The following STOX2 variants were observed in gnomAD, a reference collection of about 807,000 sequenced individuals.
The protein encoded by STOX2 is storkhead box 2.
In STOX2, 28 loss-of-function variants were observed where a neutral mutation model predicts 60.9. The ratio of observed to expected loss-of-function variants is 0.46; its 90% CI spans 0.34 to 0.63. The LOEUF is 0.63. Among genes scored for constraint, STOX2 ranks in the 30% least tolerant of loss-of-function variants. The probability of loss-of-function intolerance (pLI) is 0.01; values close to 1 mark genes in which losing one functional copy is unlikely to be tolerated. For missense variants in STOX2, 1,024 were observed against 1,187.7 expected (o/e 0.86, Z 2.03); for synonymous variants, 472 against 463.9 (o/e 1.02, Z -0.22).
chr4:184,006,824 G>A lies in STOX2; in HGVS notation c.320-2334G>A, dbSNP rs1012575921. Among the ~76,000 whole-genome samples, 6 of 150,814 alleles carry A rather than the reference G, an allele frequency of 4.0e-5. No homozygotes were observed. The East Asian group carries it at 5.8e-4, about 15-fold the overall frequency. On this transcript the variant is annotated intron_variant, in intron 2 of 3. Coordinates refer to ENST00000308497, the MANE Select transcript of STOX2 (RefSeq NM_020225.3). Reference sequence around the variant, plus strand: ...GAGGTCAGCAGATCGAAACCATCCCGGCTAAAACGGTGAAACCCCGTCTCT... The same window carrying A: ...GAGGTCAGCAGATCGAAACCATCCCAGCTAAAACGGTGAAACCCCGTCTCT...
intron 1 of STOX2, among the ~76,000 whole-genome samples, chr4:183,919,910 C>T (rs143398892): frequency 1.8e-3 from 266 of 151,844 alleles, no homozygotes; most frequent in African/African-American, 5.8e-3. Context: ...GGGTGGAAAC[C>T]GTTGTTTATT....
chr4:183,841,297 G>A (rs771186882), intron 1 of STOX2, among the ~76,000 whole-genome samples: 1 of 151,076 alleles, frequency 6.6e-6, no homozygotes, highest in Non-Finnish European at 1.5e-5. Flanking sequence ...TAGCTTCCTG[G>A]GTAGCTAGTA....
intron 1 of STOX2, among the ~76,000 whole-genome samples, chr4:183,861,598 TG>T (rs1438074098): frequency 6.6e-6 from 1 of 152,176 alleles, no homozygotes; most frequent in Non-Finnish European, 1.5e-5. Context: ...ATCTTAGCTG[TG>T]TGACCGTGAA....
At chr4:183,831,670 A>G (rs1438777437) in intron 1 of STOX2, among the ~76,000 whole-genome samples, 2 of 152,188 alleles carry the variant, frequency 1.3e-5, no homozygotes, top group African/African-American at 4.8e-5. Context: ...TTAGTCAGTG[A>G]TGGATGCGCT....
At position 184,010,966 on chromosome 4, in the gene STOX2, A is replaced by G; in HGVS notation, c.2128A>G (p.Thr710Ala). Residue 710 changes from threonine (T) to alanine (A), a missense_variant, in exon 3 of 4, where the codon ACC (threonine) becomes GCC (alanine). Around this residue, in one of 3 missense-constraint regions of STOX2, gnomAD observed 922 missense variants for 1,058.3 expected, o/e 0.87. Coordinates refer to ENST00000308497, the MANE Select transcript of STOX2 (RefSeq NM_020225.3). This position sits in a 1 kb window ranked among gnomAD's most constrained non-coding sequence, Gnocchi z 4.5. ...CACACTGTTCAAACCTCTTCACAGCACCTTGTCTGTAAACAGCTATCACAA... is the reference window on the plus strand; with the variant it reads ...CACACTGTTCAAACCTCTTCACAGCGCCTTGTCTGTAAACAGCTATCACAA... ...KDTLFKPLHS[T>A]LSVNSYHKSS... 1 of 1,613,240 alleles carries G rather than the reference A, an allele frequency of 6.2e-7. No individual in the cohort carries two copies. The highest frequency in any genetic ancestry group is 8.5e-7 in the Non-Finnish European group (1 of 1,179,564).
chr4:183,908,105 G>A (rs985629464), intron 1 of STOX2, among the ~76,000 whole-genome samples: 15 of 152,088 alleles, frequency 9.9e-5, no homozygotes, highest in Admixed American at 9.8e-4. Flanking sequence ...AATGCCTTGC[G>A]ACCGCATTTC....
intron 1 of STOX2, among the ~76,000 whole-genome samples, chr4:183,837,184 T>C (rs1325123610): frequency 6.6e-6 from 1 of 152,148 alleles, no homozygotes; most frequent in Non-Finnish European, 1.5e-5. Flanking sequence ...TCCCTTTATT[T>C]TTAATTGTGG....
rs923031880 is a variant in STOX2, at chr4:184,019,704, T to C, written c.*2420T>C. Reference sequence around the variant, plus strand: ...AAAACTCCCTTAGACCAGCAGCCATTAGTGTAGAAATGATGGACTTTAAAG... The same window carrying C: ...AAAACTCCCTTAGACCAGCAGCCATCAGTGTAGAAATGATGGACTTTAAAG... On this transcript the variant is annotated 3_prime_UTR_variant, in exon 4 of 4. Transcript: ENST00000308497. The C allele has an allele frequency of 2.6e-5, 4 of 152,208 alleles. No individual in the cohort carries two copies. Among genetic ancestry groups the C allele is most frequent in the African/African-American group, 9.6e-5 (4 of 41,452 alleles). The allele number at this position is 152,208 out of a possible 1,614,324, so 9.4% of individuals were successfully genotyped here. A position where few individuals can be genotyped will look rare whatever the true frequency, so the allele number is the denominator to read the frequency against.
intron 1 of STOX2, among the ~76,000 whole-genome samples, chr4:183,848,061 A>C (rs2111137769): frequency 6.6e-6 from 1 of 152,332 alleles, no homozygotes; most frequent in East Asian, 1.9e-4. Flanking sequence ...TCTTCCTAGA[A>C]AGTTATGCAG....
At chr4:183,948,370 T>C (rs574100033) in intron 1 of STOX2, among the ~76,000 whole-genome samples, 1 of 151,844 alleles carries the variant, frequency 6.6e-6, no homozygotes, top group African/African-American at 2.4e-5. Flanking sequence ...AACTGATACA[T>C]AGCATCTTAA....
intron 1 of STOX2, among the ~76,000 whole-genome samples, chr4:183,976,202 C>T (rs141577947): frequency 0.011 from 1,647 of 152,282 alleles, 41 homozygotes; most frequent in African/African-American, 0.038. Context: ...GTCCCAGCTA[C>T]GCAGGAGGCT....
chr4:183,866,766 C>G (rs558869260), intron 1 of STOX2, among the ~76,000 whole-genome samples: 1 of 152,258 alleles, frequency 6.6e-6, no homozygotes, highest in African/African-American at 2.4e-5. Context: ...GTAGTCCCAG[C>G]ACGTTGGGAG....
intron 1 of STOX2, among the ~76,000 whole-genome samples, chr4:183,860,369 G>A (rs959652282): frequency 6.7e-6 from 1 of 149,382 alleles, no homozygotes. Flanking sequence ...CTGGCTTTCA[G>A]TGCTGTGACC....
At chr4:184,004,041 G>A (rs962900731) in intron 2 of STOX2, among the ~76,000 whole-genome samples, 1 of 151,294 alleles carries the variant, frequency 6.6e-6, no homozygotes, top group Admixed American at 6.6e-5. Context: ...CTTGAAAATT[G>A]TATTTTTAAT....
chr4:183,929,641 T>C (rs1398607017), intron 1 of STOX2, among the ~76,000 whole-genome samples: 1 of 152,192 alleles, frequency 6.6e-6, no homozygotes, highest in South Asian at 2.1e-4. Context: ...AAGAGGCTCT[T>C]GCAGGGGATT....
At chr4:183,953,851 C>A (rs1432226867) in intron 1 of STOX2, among the ~76,000 whole-genome samples, 1 of 152,150 alleles carries the variant, frequency 6.6e-6, no homozygotes, top group Non-Finnish European at 1.5e-5. Context: ...TGGGCATGAG[C>A]CACCACACTC....
chr4:184,014,216 C>G (rs1734275857), intron 3 of STOX2: 1 of 151,436 alleles, frequency 6.6e-6, no homozygotes, highest in African/African-American at 2.4e-5. Context: ...AGCCACATTT[C>G]CAAAATTCTT....
At chr4:183,980,958 C>T (rs1732640343) in intron 1 of STOX2, among the ~76,000 whole-genome samples, 1 of 152,034 alleles carries the variant, frequency 6.6e-6, no homozygotes, top group South Asian at 2.1e-4. Flanking sequence ...AGCTCTTTGA[C>T]CTTATAACTA....
chr4:183,839,212 A>G (rs1447559008), intron 1 of STOX2, among the ~76,000 whole-genome samples: 1 of 152,170 alleles, frequency 6.6e-6, no homozygotes, highest in Non-Finnish European at 1.5e-5. Flanking sequence ...AGGGTCACCC[A>G]TATCATGGAA....
Sources: allele counts gnomAD v4.1 joint callset (sites outside exome capture counted in the v4.1 genomes callset), GRCh38; gene constraint gnomAD v4.1.1; regional missense constraint gnomAD v4.1.1; non-coding constraint Gnocchi (gnomAD v3.1); transcripts MANE v1.5; gene names NCBI Gene and HGNC (gene_info 2026-07-23, HGNC 2026-07-21).